BICD1: variants seen among roughly 807,000 people sequenced by gnomAD.
The protein encoded by BICD1 is BICD cargo adaptor 1, also known as protein bicaudal D homolog 1.
BICD1 carries 35 observed loss-of-function variants against 92.5 expected under a neutral mutation model. That is an observed-to-expected ratio of 0.38 (90% CI 0.29 to 0.50). The LOEUF (loss-of-function observed/expected upper bound fraction) is 0.50, where lower values mean the gene tolerates loss of function less well. Ranked by LOEUF, BICD1 falls within the 20% of genes least tolerant of loss-of-function variation. The probability of loss-of-function intolerance (pLI) is 0.93; values close to 1 mark genes in which losing one functional copy is unlikely to be tolerated. For synonymous variants in BICD1, 429 were observed against 465.1 expected, an observed-to-expected ratio of 0.92 and a Z score of 1.00; for missense variants, 950 against 1,189.8, an observed-to-expected ratio of 0.80 and a Z score of 2.97.
Position 32,378,740 on chromosome 12 carries a change from A to G in BICD1, c.*1113A>G, listed in dbSNP as rs1360288643. 2.0e-5 allele frequency: 3 copies of G among 152,180 alleles called. No homozygotes were observed. The highest frequency in any genetic ancestry group is 4.4e-5 in the Non-Finnish European group (3 of 68,036). The allele number at this position is 152,180 out of a possible 1,614,324, so 9.4% of individuals were successfully genotyped here. A position where few individuals can be genotyped will look rare whatever the true frequency, so the allele number is the denominator to read the frequency against. ...TGTTTTGTTGTTGTTAGTTTTTTTC[A>G]TAACGAATCTTCCTTGCCAAAAAAA... On this transcript the variant is annotated 3_prime_UTR_variant, in exon 10 of 10. Transcript: ENST00000652176.
At chr12:32,240,477 C>G (rs573952492) in intron 2 of BICD1, among the ~76,000 whole-genome samples, 1 of 152,184 alleles carries the variant, frequency 6.6e-6, no homozygotes, top group Non-Finnish European at 1.5e-5. Context: ...AAGCCAGCAG[C>G]CGTGTAGCAT....
At chr12:32,268,022 C>T (rs1947045005) in intron 2 of BICD1, among the ~76,000 whole-genome samples, 1 of 152,182 alleles carries the variant, frequency 6.6e-6, no homozygotes, top group African/African-American at 2.4e-5. Context: ...CCAGACTGGC[C>T]TCAAACTCCT....
chr12:32,340,804 CTCT>C (rs1461124491), intron 8 of BICD1: 1 of 153,984 alleles, frequency 6.5e-6, no homozygotes, highest in Admixed American at 6.5e-5. Flanking sequence ...ATCACTACTT[CTCT>C]TCTTGTCCAC....
chr12:32,306,269 A>G (rs1026963535), intron 4 of BICD1, 147 bp downstream of exon 4: 15 of 985,790 alleles, frequency 1.5e-5, no homozygotes, highest in Non-Finnish European at 2.0e-5. Flanking sequence ...TTCGAGACAG[A>G]GTCTTGCTCC....
chr12:32,238,858 C>T (rs967963939), intron 2 of BICD1, among the ~76,000 whole-genome samples: 7 of 139,850 alleles, frequency 5.0e-5, no homozygotes, highest in Admixed American at 1.5e-4. Flanking sequence ...GCAGGAGAAT[C>T]GATTGAACCC....
chr12:32,279,833 C>T lies in BICD1; in HGVS notation c.427-14161C>T, dbSNP rs1046708140. On this transcript the variant is annotated intron_variant, in intron 2 of 9. Transcript: ENST00000652176. ...AAGTGAAAATTGCCAGGGTCAGTGG[C>T]TTACGCCTGTAATCCCAGCACTTTG... 4.6e-5 allele frequency among the ~76,000 whole-genome samples: 7 copies of T among 152,356 alleles called. No individual in the cohort carries two copies. In the East Asian group the frequency reaches 1.2e-3, roughly 25 times the overall value.
intron 1 of BICD1, among the ~76,000 whole-genome samples, chr12:32,161,702 T>C (rs1743967914): frequency 6.6e-6 from 1 of 152,198 alleles, no homozygotes; most frequent in Admixed American, 6.5e-5. Flanking sequence ...AGAATTGAAT[T>C]CATATAGTTA....
At chr12:32,264,179 T>C (rs1028740703) in intron 2 of BICD1, among the ~76,000 whole-genome samples, 7 of 152,238 alleles carry the variant, frequency 4.6e-5, no homozygotes, top group Non-Finnish European at 8.8e-5. Context: ...AAATGAATTA[T>C]TATGTACTAA....
chr12:32,272,284 A>G (rs962463894), intron 2 of BICD1, among the ~76,000 whole-genome samples: 1 of 152,198 alleles, frequency 6.6e-6, no homozygotes, highest in African/African-American at 2.4e-5. Context: ...ATTTGGTTAC[A>G]GGGAGAAGGC....
At chr12:32,121,568 G>A (rs1322363528) in intron 1 of BICD1, among the ~76,000 whole-genome samples, 1 of 150,504 alleles carries the variant, frequency 6.6e-6, no homozygotes, top group East Asian at 2.0e-4. Context: ...ACTCCAGCCT[G>A]GGCGAGAGTC....
intron 2 of BICD1, among the ~76,000 whole-genome samples, chr12:32,251,518 A>T (rs988180890): frequency 6.6e-6 from 1 of 152,078 alleles, no homozygotes; most frequent in Non-Finnish European, 1.5e-5. Flanking sequence ...CTCACGTTCT[A>T]GACCCCACTA....
At chr12:32,226,665 G>A (rs760143587) in intron 2 of BICD1, among the ~76,000 whole-genome samples, 1 of 152,116 alleles carries the variant, frequency 6.6e-6, no homozygotes, top group African/African-American at 2.4e-5. Flanking sequence ...AGGCTTCAGC[G>A]ACCCTTCTCC....
chr12:32,169,697 C>T (rs540706999), intron 1 of BICD1, among the ~76,000 whole-genome samples: 2 of 152,266 alleles, frequency 1.3e-5, no homozygotes, highest in African/African-American at 4.8e-5. Flanking sequence ...CCTTTGATAA[C>T]CTAGGTCGCT....
At chr12:32,350,406 G>A (rs1275448844) in intron 8 of BICD1, among the ~76,000 whole-genome samples, 1 of 152,180 alleles carries the variant, frequency 6.6e-6, no homozygotes, top group Non-Finnish European at 1.5e-5. Flanking sequence ...GAGCCCAGGA[G>A]GTGGGGGCTG....
chr12:32,297,935 C>A (rs1476032241), intron 3 of BICD1, among the ~76,000 whole-genome samples: 1 of 152,056 alleles, frequency 6.6e-6, no homozygotes, highest in Non-Finnish European at 1.5e-5. Context: ...CCTGTAATCT[C>A]AGCACTTTGG....
chr12:32,303,720 C>T (rs548649791), intron 3 of BICD1, among the ~76,000 whole-genome samples: 1 of 152,246 alleles, frequency 6.6e-6, no homozygotes, highest in South Asian at 2.1e-4. Context: ...CCTGGATGAC[C>T]TCATGGAGCA....
chr12:32,320,000 T>C (rs1295677804), intron 4 of BICD1, among the ~76,000 whole-genome samples: 3 of 152,226 alleles, frequency 2.0e-5, no homozygotes, highest in Non-Finnish European at 2.9e-5. Context: ...TAGACACTTT[T>C]AACAACTGAT....
chr12:32,174,832 G>A (rs140209209), intron 1 of BICD1, among the ~76,000 whole-genome samples: 211 of 152,144 alleles, frequency 1.4e-3, no homozygotes, highest in Non-Finnish European at 1.6e-3. Context: ...ATTCAGATCT[G>A]AAACCTCATT....
chr12:32,371,558 G>C (rs1939740216), intron 9 of BICD1, among the ~76,000 whole-genome samples: 1 of 151,926 alleles, frequency 6.6e-6, no homozygotes, highest in Non-Finnish European at 1.5e-5. Flanking sequence ...GTTTTTGTTT[G>C]TTTGGTTTAG....
Sources: allele counts gnomAD v4.1 joint callset (sites outside exome capture counted in the v4.1 genomes callset), GRCh38; gene constraint gnomAD v4.1.1; transcripts MANE v1.5; gene names NCBI Gene and HGNC (gene_info 2026-07-23, HGNC 2026-07-21).